The following ARMC2 variants were observed in gnomAD, a reference collection of about 807,000 sequenced individuals.
ARMC2 encodes armadillo repeat-containing protein 2.
In ARMC2, 67 loss-of-function variants were observed where a neutral mutation model predicts 90.3. The ratio of observed to expected loss-of-function variants is 0.74; its 90% CI spans 0.61 to 0.91. The LOEUF is 0.91. Ranked by LOEUF, ARMC2 falls within the 40% of genes least tolerant of loss-of-function variation. The probability of loss-of-function intolerance (pLI) is 0.00; values close to 1 mark genes in which losing one functional copy is unlikely to be tolerated. For missense variants in ARMC2, 920 were observed against 1,030.9 expected (o/e 0.89, Z 1.47); for synonymous variants, 393 against 393.0 (o/e 1.00, Z 0.00).
chr6:108,947,831 A>G (rs1186863292), intron 12 of ARMC2, among the ~76,000 whole-genome samples: 1 of 83,932 alleles, frequency 1.2e-5, no homozygotes, highest in Non-Finnish European at 2.4e-5. Context: ...TTCTTTAGGA[A>G]AAAAAAAAAA....
chr6:108,923,208 G>A (rs1309276752), intron 10 of ARMC2, among the ~76,000 whole-genome samples: 1 of 152,124 alleles, frequency 6.6e-6, no homozygotes, highest in Non-Finnish European at 1.5e-5. Context: ...CTTTTTTTAA[G>A]TAAGGGATTT....
chr6:109,003,982 G>GT, the ARMC2 span, among the ~76,000 whole-genome samples: 1 of 152,162 alleles, frequency 6.6e-6, no homozygotes, highest in East Asian at 1.9e-4. Flanking sequence ...GTTTATTACT[G>GT]TTTTATAACT....
intron 7 of ARMC2, 79 bp downstream of exon 7, chr6:108,899,871 A>G (rs762395961): frequency 5.8e-6 from 6 of 1,026,994 alleles, no homozygotes; most frequent in East Asian, 5.2e-5. Flanking sequence ...TGTGTTCCCC[A>G]TTGCCCTGAT....
At chr6:108,953,443 A>G (rs1428856268) in intron 13 of ARMC2, 92 bp downstream of exon 13, 22 of 1,309,432 alleles carry the variant, frequency 1.7e-5, no homozygotes, top group Non-Finnish European at 1.0e-6. Context: ...TGAGGATTTT[A>G]TTATCACAAG....
the ARMC2 span, among the ~76,000 whole-genome samples, chr6:109,032,571 T>C: frequency 6.6e-6 from 1 of 151,034 alleles, no homozygotes; most frequent in African/African-American, 2.5e-5. Flanking sequence ...TGAGCCGAGA[T>C]TGGGCCATTG....
chr6:108,922,525 G>A (rs1205217566), intron 10 of ARMC2, among the ~76,000 whole-genome samples: 1 of 151,980 alleles, frequency 6.6e-6, no homozygotes, highest in African/African-American at 2.4e-5. Flanking sequence ...TGATAATTAA[G>A]TACCTATAGT....
Position 108,965,127 on chromosome 6 carries a change from C to CTCATCAT in ARMC2, c.2435_2441dup (p.Leu815IlefsTer5). ...ACACCAACACACTCTTACTCTTGCT[C>CTCATCAT]TCATCATTTTTAGGTAAGACTCTTG... On this transcript the variant is annotated frameshift_variant, in exon 17 of 18. Coordinates refer to ENST00000392644, the MANE Select transcript of ARMC2 (RefSeq NM_032131.6). LOFTEE classifies it high-confidence loss of function. 1 of 1,605,744 alleles carries CTCATCAT rather than the reference C, an allele frequency of 6.2e-7. No homozygotes were observed. Among genetic ancestry groups the CTCATCAT allele is most frequent in the African/African-American group, 1.3e-5 (1 of 74,954 alleles).
chr6:108,934,962 T>A (rs759126112), intron 11 of ARMC2, among the ~76,000 whole-genome samples: 4 of 152,154 alleles, frequency 2.6e-5, no homozygotes, highest in Non-Finnish European at 5.9e-5. Flanking sequence ...TTTTAAGATA[T>A]GTATTATTAT....
At chr6:108,939,126 C>G (rs546156589) in intron 12 of ARMC2, among the ~76,000 whole-genome samples, 1 of 152,104 alleles carries the variant, frequency 6.6e-6, no homozygotes, top group Non-Finnish European at 1.5e-5. Flanking sequence ...GCCTAAAAAT[C>G]CTAAAGTTTA....
chr6:108,943,335 A>C (rs1328641691), intron 12 of ARMC2, among the ~76,000 whole-genome samples: 1 of 152,182 alleles, frequency 6.6e-6, no homozygotes, highest in Non-Finnish European at 1.5e-5. Flanking sequence ...TTTTCTATAC[A>C]ACTGTGCTGT....
the ARMC2 span, among the ~76,000 whole-genome samples, chr6:109,004,582 C>T: frequency 1.3e-5 from 2 of 151,816 alleles, no homozygotes; most frequent in Non-Finnish European, 2.9e-5. Context: ...AGGCGTGTGC[C>T]GCCACACCTG....
At chr6:108,989,434 T>TAG in the ARMC2 span, among the ~76,000 whole-genome samples, 1 of 148,820 alleles carries the variant, frequency 6.7e-6, no homozygotes, top group African/African-American at 2.6e-5. Context: ...GATATATATC[T>TAG]AGATCTAGAT....
At chr6:108,967,710 A>G (rs1297599652) in intron 17 of ARMC2, among the ~76,000 whole-genome samples, 4 of 152,136 alleles carry the variant, frequency 2.6e-5, no homozygotes, top group Non-Finnish European at 2.9e-5. Context: ...TTTTATTTGT[A>G]TTCTTTTTAT....
At chr6:109,039,392 C>G in the ARMC2 span, among the ~76,000 whole-genome samples, 1 of 152,190 alleles carries the variant, frequency 6.6e-6, no homozygotes, top group Non-Finnish European at 1.5e-5. Context: ...AATTTCCCTT[C>G]ACTTTTACAA....
At chr6:108,861,092 G>A (rs1038856386) in intron 3 of ARMC2, among the ~76,000 whole-genome samples, 6 of 152,134 alleles carry the variant, frequency 3.9e-5, no homozygotes, top group Non-Finnish European at 8.8e-5. Context: ...TAGCCTGACT[G>A]CATGGAGCTG....
At chr6:108,985,195 T>TTATC in the ARMC2 span, among the ~76,000 whole-genome samples, 14 of 152,212 alleles carry the variant, frequency 9.2e-5, no homozygotes, top group Non-Finnish European at 1.8e-4. Flanking sequence ...ACTTATCTAC[T>TTATC]TATCTCCTGG....
chr6:108,886,531 A>T (rs932137298), intron 5 of ARMC2, among the ~76,000 whole-genome samples: 5 of 152,152 alleles, frequency 3.3e-5, no homozygotes, highest in Non-Finnish European at 7.3e-5. Flanking sequence ...AGATCACACC[A>T]CTGCACTCCA....
intron 4 of ARMC2, among the ~76,000 whole-genome samples, chr6:108,872,611 C>T (rs1406839754): frequency 6.6e-6 from 1 of 152,184 alleles, no homozygotes; most frequent in Admixed American, 6.6e-5. Context: ...GCTGAGCTCC[C>T]AACACGACAT....
intron 12 of ARMC2, among the ~76,000 whole-genome samples, chr6:108,937,726 A>T (rs889703446): frequency 6.6e-6 from 1 of 151,938 alleles, no homozygotes; most frequent in East Asian, 1.9e-4. Context: ...GACGAGTCTC[A>T]CTCTGTCACC....
Sources: gnomAD v4.1 joint callset for allele counts (sites outside exome capture counted in the v4.1 genomes callset) on GRCh38, gnomAD v4.1.1 for gene constraint, MANE v1.5 for transcripts, NCBI Gene and HGNC (gene_info 2026-07-23, HGNC 2026-07-21) for gene names.